The following LPA variants were observed in gnomAD, a reference collection of about 807,000 sequenced individuals.
The protein encoded by LPA is apolipoprotein(a).
In LPA, 199 loss-of-function variants were observed where a neutral mutation model predicts 197.9. That is an observed-to-expected ratio of 1.01 (90% confidence interval 0.90 to 1.13). The LOEUF is 1.13. Among genes scored for constraint, LPA ranks in the 50% most tolerant of loss-of-function variants. LPA has a pLI of 0.00. For missense variants in LPA, 1,853 were observed against 1,785.8 expected (o/e 1.04, Z -0.68); for synonymous variants, 715 against 639.5 (o/e 1.12, Z -1.78).
chr6:160,658,872 G>T (rs2872763), intron 1 of LPA, among the ~76,000 whole-genome samples: 1 of 130,948 alleles, frequency 7.6e-6, no homozygotes, highest in Non-Finnish European at 1.7e-5. Context: ...ACTAATAGGA[G>T]ATTATATATA....
Position 160,634,624 on chromosome 6 carries a change from G to T in LPA, c.1075+499C>A, listed in dbSNP as rs796582139. Among the ~76,000 whole-genome samples the T allele has an allele frequency of 1.5e-4, 22 of 149,532 alleles. 1 individual carries two copies. Among genetic ancestry groups the T allele is most frequent in the African/African-American group, 5.3e-4 (21 of 39,572 alleles). Reference sequence around the variant, plus strand: ...AAGCCTAGGACTGAAGAGCCTTAGAGCATTGGGAGCTCATATACTGCTCCA... The same window carrying T: ...AAGCCTAGGACTGAAGAGCCTTAGATCATTGGGAGCTCATATACTGCTCCA... On this transcript the variant is annotated intron_variant, in intron 7 of 38. Coordinates refer to ENST00000316300, the MANE Select transcript of LPA (RefSeq NM_005577.4).
rs1370596847 is a variant in LPA at position 160,557,568 on chromosome 6, G to A, written c.4635C>T (p.Gly1545=). ...QRTPENYPNA[G]LTENYCRNPD... ...GATTCCTGCAGTAGTTCTCGGTCAG[G>A]CCACTGCAAATTCCAAAACAACACA... Residue 1545 remains glycine (G), a synonymous_variant, in exon 29 of 39, where the codon GGC becomes GGT. Transcript: ENST00000316300. The A allele has an allele frequency of 2.5e-6, 4 of 1,613,870 alleles. No homozygotes were observed. Among genetic ancestry groups the A allele is most frequent in the East Asian group, 2.2e-5 (1 of 44,868 alleles).
At chr6:160,579,909 T>G (rs534316099) in intron 26 of LPA, among the ~76,000 whole-genome samples, 2 of 152,340 alleles carry the variant, frequency 1.3e-5, no homozygotes, top group South Asian at 4.1e-4. Flanking sequence ...TAGAGTGAGA[T>G]GCACAGATCT....
At chr6:160,594,914 G>T (rs1335255908) in intron 21 of LPA, among the ~76,000 whole-genome samples, 1 of 152,108 alleles carries the variant, frequency 6.6e-6, no homozygotes, top group Non-Finnish European at 1.5e-5. Flanking sequence ...GTCATATTAG[G>T]TTTCTCAAGG....
intron 28 of LPA, among the ~76,000 whole-genome samples, chr6:160,568,812 C>A (rs1375813447): frequency 2.6e-5 from 4 of 152,108 alleles, no homozygotes; most frequent in Non-Finnish European, 5.9e-5. Context: ...AATCAATGTG[C>A]AAAAATCACA....
intron 18 of LPA, 146 bp downstream of exon 18, chr6:160,604,899 GC>G: frequency 7.7e-7 from 1 of 1,306,026 alleles, no homozygotes; most frequent in Non-Finnish European, 1.1e-6. Context: ...TAGACTCTTT[GC>G]TCAAAGACAA....
intron 28 of LPA, among the ~76,000 whole-genome samples, chr6:160,572,295 C>T (rs1423824940): frequency 5.9e-5 from 9 of 151,924 alleles, no homozygotes; most frequent in South Asian, 4.2e-4. Flanking sequence ...TCACGGGGAG[C>T]GGCAGACTGG....
intron 26 of LPA, among the ~76,000 whole-genome samples, chr6:160,580,570 C>T (rs553562952): frequency 4.5e-4 from 68 of 152,228 alleles, no homozygotes; most frequent in African/African-American, 1.5e-3. Context: ...ATCGGTGACA[C>T]CACTTATTAT....
chr6:160,634,597 C>T (rs1330135306), intron 7 of LPA, among the ~76,000 whole-genome samples: 1 of 147,376 alleles, frequency 6.8e-6, no homozygotes, highest in Non-Finnish European at 1.5e-5. Context: ...TCACTCCCTT[C>T]AAAGCCTAGG....
At position 160,652,679 on chromosome 6, in the gene LPA, T is replaced by C. The variant is rs1047691425; in HGVS notation, c.50-2182A>G. On this transcript the variant is annotated intron_variant, in intron 1 of 38. Transcript: ENST00000316300. Reference sequence around the variant, plus strand: ...AGTCATAATCACTTTAAAAAACAACTGATTATTCAGGGTAAAAATAGTGTC... The same window carrying C: ...AGTCATAATCACTTTAAAAAACAACCGATTATTCAGGGTAAAAATAGTGTC... Among the ~76,000 whole-genome samples the C allele has an allele frequency of 2.6e-5, 4 of 152,096 alleles. No individual in the cohort carries two copies. The South Asian group carries it at 8.3e-4, about 32-fold the overall frequency.
intron 30 of LPA, among the ~76,000 whole-genome samples, chr6:160,555,261 T>TATATG (rs1425397048): frequency 7.8e-6 from 1 of 128,172 alleles, no homozygotes; most frequent in Non-Finnish European, 1.6e-5. Flanking sequence ...TATATTATAT[T>TATATG]ATATTATATT....
At chr6:160,651,144 A>G in intron 1 of LPA, among the ~76,000 whole-genome samples, 1 of 152,180 alleles carries the variant, frequency 6.6e-6, no homozygotes, top group Non-Finnish European at 1.5e-5. Context: ...TTCCATCCAA[A>G]TAAGGCACAA....
chr6:160,539,221 G>A (rs1222282942), intron 36 of LPA, among the ~76,000 whole-genome samples: 3 of 152,084 alleles, frequency 2.0e-5, no homozygotes, highest in Non-Finnish European at 2.9e-5. Context: ...AGCACAGCGA[G>A]CACCCCACAT....
intron 26 of LPA, among the ~76,000 whole-genome samples, chr6:160,582,479 T>C (rs1379287451): frequency 6.6e-6 from 1 of 152,104 alleles, no homozygotes; most frequent in Non-Finnish European, 1.5e-5. Flanking sequence ...GATCTTTTTT[T>C]CTTCTTACCA....
intron 18 of LPA, among the ~76,000 whole-genome samples, chr6:160,604,725 G>A (rs1282055096): frequency 6.6e-6 from 1 of 152,184 alleles, no homozygotes; most frequent in Non-Finnish European, 1.5e-5. Context: ...ATTCCAAGGA[G>A]AAAAGGCTGC....
chr6:160,554,877 G>A (rs547677411), intron 30 of LPA, among the ~76,000 whole-genome samples: 3 of 152,158 alleles, frequency 2.0e-5, no homozygotes, highest in East Asian at 1.9e-4. Flanking sequence ...GACTGCTGTG[G>A]TTGGCTTTGG....
intron 1 of LPA, among the ~76,000 whole-genome samples, chr6:160,654,592 T>A (rs1445432337): frequency 1.3e-5 from 2 of 152,126 alleles, no homozygotes; most frequent in African/African-American, 2.4e-5. Flanking sequence ...AATAAGGTCA[T>A]AATTATGCCT....
chr6:160,573,770 G>A (rs1032823004), intron 28 of LPA, among the ~76,000 whole-genome samples: 19 of 152,182 alleles, frequency 1.2e-4, no homozygotes, highest in African/African-American at 4.3e-4. Context: ...GTCCTGTGAT[G>A]TGAACCATCT....
chr6:160,579,237 T>C (rs1288482961), intron 26 of LPA, among the ~76,000 whole-genome samples: 1 of 152,152 alleles, frequency 6.6e-6, no homozygotes, highest in Non-Finnish European at 1.5e-5. Context: ...TAGTGTAGCA[T>C]AAATGCTCTA....
Sources: gnomAD v4.1 joint callset for allele counts (sites outside exome capture counted in the v4.1 genomes callset) on GRCh38, gnomAD v4.1.1 for gene constraint, MANE v1.5 for transcripts, NCBI Gene and HGNC (gene_info 2026-07-23, HGNC 2026-07-21) for gene names.